Variants in MMD2 observed in about 807,000 individuals in gnomAD.
MMD2 encodes the protein monocyte to macrophage differentiation associated 2.
MMD2 carries 30 observed loss-of-function variants against 33.5 expected under a neutral mutation model. The ratio of observed to expected loss-of-function variants is 0.90; its 90% CI spans 0.67 to 1.22. The LOEUF is 1.22. MMD2 is among the 50% of genes most tolerant of loss of function. The probability of loss-of-function intolerance (pLI) is 0.00; values close to 1 mark genes in which losing one functional copy is unlikely to be tolerated. For missense variants in MMD2, 364 were observed against 325.4 expected, an observed-to-expected ratio of 1.12 and a Z score of -0.91; for synonymous variants, 129 against 123.0, an observed-to-expected ratio of 1.05 and a Z score of -0.32.
chr7:4,900,474 A>G, the MMD2 span, among the ~76,000 whole-genome samples: 1 of 152,098 alleles, frequency 6.6e-6, no homozygotes, highest in Non-Finnish European at 1.5e-5. Context: ...TCTGATCTGT[A>G]GCATTCACCC....
chr7:4,943,388 C>T (rs1223053940), intron 1 of MMD2, among the ~76,000 whole-genome samples: 2 of 152,122 alleles, frequency 1.3e-5, no homozygotes, highest in African/African-American at 2.4e-5. Flanking sequence ...CGTGATCCAC[C>T]TGCCTCAGCC....
At chr7:4,928,173 C>A (rs1230898270) in intron 1 of MMD2, among the ~76,000 whole-genome samples, 1 of 152,208 alleles carries the variant, frequency 6.6e-6, no homozygotes, top group Non-Finnish European at 1.5e-5. Context: ...ACTAAACACA[C>A]CAAAAACTTT....
Position 4,906,478 on chromosome 7 carries a change from G to A in MMD2, c.*918C>T, listed in dbSNP as rs1048759248. 2.5e-6 allele frequency: 1 copy of A among 398,608 alleles called. No homozygotes were observed. Among genetic ancestry groups the A allele is most frequent in the Non-Finnish European group, 4.4e-6 (1 of 226,066 alleles). 24.7% of individuals were successfully genotyped at this position (398,608 alleles called of 1,614,324 possible). A position where few individuals can be genotyped will look rare whatever the true frequency, so the allele number is the denominator to read the frequency against. On this transcript the variant is annotated 3_prime_UTR_variant, in exon 7 of 7. Coordinates refer to ENST00000401401, the MANE Select transcript of MMD2 (RefSeq NM_198403.4). ...CTTAAGTATGGAGCAGGGAGCAAGT[G>A]CCTGGGGGCTGTTTGCCCCATCTTA...
chr7:4,904,016 T>C (rs1416828721), downstream of MMD2, among the ~76,000 whole-genome samples: 4 of 152,082 alleles, frequency 2.6e-5, no homozygotes, highest in Non-Finnish European at 5.9e-5. Flanking sequence ...CACTACAACC[T>C]CGGCCTCCCG....
At chr7:4,909,593 C>T in intron 6 of MMD2, 1 of 623,800 alleles carries the variant, frequency 1.6e-6, no homozygotes, top group Admixed American at 2.5e-5. Context: ...TAGGTGTGCA[C>T]CACATCTGGC....
chr7:4,907,673 A>C, intron 6 of MMD2, 74 bp from the exon 7 acceptor site: 1 of 1,471,020 alleles, frequency 6.8e-7, no homozygotes, highest in South Asian at 1.2e-5. Context: ...GCCAGTCCCC[A>C]CCACCCAAAA....
chr7:4,957,163 CAAA>C lies in MMD2; in HGVS notation c.47+1805_47+1807del, dbSNP rs72291506. Among the ~76,000 whole-genome samples the C allele has an allele frequency of 2.1e-3, 286 of 138,406 alleles. 2 individuals carry two copies. Among genetic ancestry groups the C allele is most frequent in the African/African-American group, 6.9e-3 (261 of 37,908 alleles). The allele number at this position is 138,406 out of a possible 152,430, so 90.8% of individuals were successfully genotyped here. ...AGTCGGCAACAGAGTGAGACTGTCT[CAAA>C]AAAAAAAATATATATATATATATAT... is the stretch of plus-strand genomic sequence containing the variant. On this transcript the variant is annotated intron_variant, in intron 1 of 6. Transcript: ENST00000401401.
intron 1 of MMD2, among the ~76,000 whole-genome samples, chr7:4,953,431 T>C (rs1349262767): frequency 2.0e-5 from 3 of 149,106 alleles, no homozygotes; most frequent in South Asian, 4.4e-4. Context: ...AGATGGATGT[T>C]GAACCCTCAG....
chr7:4,919,029 G>A (rs1785209408), intron 3 of MMD2, among the ~76,000 whole-genome samples: 2 of 152,012 alleles, frequency 1.3e-5, no homozygotes, highest in South Asian at 2.1e-4. Context: ...AGCCCTGGAG[G>A]TGGAGGCTGC....
intron 3 of MMD2, among the ~76,000 whole-genome samples, chr7:4,919,529 C>T (rs1785221337): frequency 6.6e-6 from 1 of 151,372 alleles, no homozygotes; most frequent in African/African-American, 2.4e-5. Context: ...GACTGTACCA[C>T]TGCACTCCAG....
At chr7:4,916,154 T>TGGG in intron 3 of MMD2, 75 bp from the exon 4 acceptor site, 2 of 1,427,778 alleles carry the variant, frequency 1.4e-6, no homozygotes, top group Non-Finnish European at 2.0e-6. Flanking sequence ...AGCCGTGCCC[T>TGGG]GGACTGATCG....
intron 1 of MMD2, among the ~76,000 whole-genome samples, chr7:4,937,705 G>T (rs1034293497): frequency 7.9e-5 from 12 of 152,018 alleles, no homozygotes; most frequent in African/African-American, 2.9e-4. Flanking sequence ...ACAGAATCTC[G>T]CCATGTTGCC....
At chr7:4,957,779 T>G (rs1049413676) in intron 1 of MMD2, among the ~76,000 whole-genome samples, 1 of 152,150 alleles carries the variant, frequency 6.6e-6, no homozygotes, top group Non-Finnish European at 1.5e-5. Flanking sequence ...TTAGGAGAGA[T>G]AGACTCATCA....
chr7:4,943,510 AC>A (rs1785969026), intron 1 of MMD2, among the ~76,000 whole-genome samples: 1 of 152,052 alleles, frequency 6.6e-6, no homozygotes, highest in African/African-American at 2.4e-5. Context: ...CAACTGCTCT[AC>A]CCTGATGTCC....
intron 1 of MMD2, among the ~76,000 whole-genome samples, chr7:4,930,199 G>A (rs936286315): frequency 4.6e-5 from 7 of 150,578 alleles, no homozygotes; most frequent in African/African-American, 1.7e-4. Flanking sequence ...AACCCAGGAG[G>A]TGGAGGTTGC....
chr7:4,952,159 G>A (rs1786262667), intron 1 of MMD2, among the ~76,000 whole-genome samples: 1 of 152,212 alleles, frequency 6.6e-6, no homozygotes, highest in Admixed American at 6.5e-5. Context: ...GGTTTGAATG[G>A]CCCCAGCCTA....
chr7:4,944,798 TG>T, intron 1 of MMD2, among the ~76,000 whole-genome samples: 1 of 142,172 alleles, frequency 7.0e-6, no homozygotes, highest in African/African-American at 2.6e-5. Flanking sequence ...GACAGAGTCT[TG>T]CTTTGTCGCC....
intron 1 of MMD2, among the ~76,000 whole-genome samples, chr7:4,938,410 G>A (rs1378141065): frequency 2.0e-5 from 3 of 152,032 alleles, no homozygotes; most frequent in Non-Finnish European, 2.9e-5. Flanking sequence ...GTAGAATCCC[G>A]AGGCAGTGTG....
chr7:4,911,357 T>C lies in MMD2; in HGVS notation c.366-111A>G, dbSNP rs1785003658. The C allele has an allele frequency of 7.6e-6, 6 of 785,480 alleles. No individual in the cohort carries two copies. The East Asian group carries it at 1.6e-4, about 21-fold the overall frequency. 48.7% of individuals were successfully genotyped at this position (785,480 alleles called of 1,614,324 possible). ...GACCCCAGGGAAGTCCTGTCACCTGTGACTCCACGGCTGGGACATGGGCGC... is the reference window on the plus strand; with the variant it reads ...GACCCCAGGGAAGTCCTGTCACCTGCGACTCCACGGCTGGGACATGGGCGC... On this transcript the variant is annotated intron_variant, in intron 4 of 6. Transcript: ENST00000401401.
Sources: allele counts gnomAD v4.1 joint callset (sites outside exome capture counted in the v4.1 genomes callset), GRCh38; gene constraint gnomAD v4.1.1; transcripts MANE v1.5; gene names NCBI Gene and HGNC (gene_info 2026-07-23, HGNC 2026-07-21).